PCDHA1: variants seen among roughly 807,000 people sequenced by gnomAD.
The protein encoded by PCDHA1 is protocadherin alpha-1.
A neutral mutation model predicts 61.3 loss-of-function variants in PCDHA1; 42 were observed. The ratio of observed to expected loss-of-function variants is 0.69; its 90% CI spans 0.54 to 0.89. The LOEUF is 0.89. PCDHA1 is among the 40% of genes least tolerant of loss of function. PCDHA1 has a pLI of 0.00. For synonymous variants in PCDHA1, 610 were observed against 553.8 expected, an observed-to-expected ratio of 1.10 and a Z score of -1.43; for missense variants, 1,256 against 1,235.3, an observed-to-expected ratio of 1.02 and a Z score of -0.25.
At chr5:141,000,422 T>TATC (rs1491457105) in intron 3 of PCDHA1, among the ~76,000 whole-genome samples, 2 of 51,852 alleles carry the variant, frequency 3.9e-5, no homozygotes, top group African/African-American at 1.7e-4. Context: ...TATATATATA[T>TATC]TTTTTTTTTT....
rs782349051 is a variant in PCDHA1, at chr5:140,857,178, A to G, written c.2394+68494A>G. 8.1e-6 allele frequency: 13 copies of G among 1,598,358 alleles called. No individual in the cohort carries two copies. The South Asian group carries it at 1.3e-4, about 16-fold the overall frequency. On this transcript the variant is annotated intron_variant, in intron 1 of 3. Transcript: ENST00000504120. The stretch of plus-strand genomic sequence containing the variant: ...GCCCTAATCAGCGTTTCTGACCATG[A>G]TTCAGGAGCCAACGGACAGGTCACC...
intron 1 of PCDHA1, chr5:140,876,545 C>T (rs1281346113): frequency 6.2e-7 from 1 of 1,614,082 alleles, no homozygotes; most frequent in Non-Finnish European, 8.5e-7. Flanking sequence ...CTGTCGCTCC[C>T]TGTGCAAGAG....
At chr5:140,849,566 T>C in intron 1 of PCDHA1, 2 of 1,598,556 alleles carry the variant, frequency 1.3e-6, no homozygotes, top group Non-Finnish European at 1.7e-6. Flanking sequence ...CGCTCTCGGT[T>C]CCTGTAAAAG....
intron 3 of PCDHA1, among the ~76,000 whole-genome samples, chr5:140,993,560 A>G (rs2097572904): frequency 6.6e-6 from 1 of 151,740 alleles, no homozygotes; most frequent in Non-Finnish European, 1.5e-5. Context: ...AGTATATAGT[A>G]TCCTTTCTAG....
intron 3 of PCDHA1, among the ~76,000 whole-genome samples, chr5:140,988,690 C>T (rs1286168942): frequency 2.6e-5 from 4 of 152,148 alleles, no homozygotes; most frequent in South Asian, 2.1e-4. Flanking sequence ...TTTCCCTAGA[C>T]GCTCTGTATT....
At chr5:140,807,027 GGAA>G in intron 1 of PCDHA1, 1 of 866,008 alleles carries the variant, frequency 1.2e-6, no homozygotes, top group South Asian at 1.7e-5. Context: ...GAGAGAAGGA[GGAA>G]GAAGGGAAAA....
In PCDHA1 at chr5:140,904,839, ATCT is replaced by A. The variant is rs1480252178; in HGVS notation, c.2395-74103_2395-74101del. 4.1e-4 allele frequency among the ~76,000 whole-genome samples: 62 copies of A among 152,040 alleles called. No individual in the cohort carries two copies. The East Asian group carries it at 6.4e-3, about 16-fold the overall frequency. Reference sequence around the variant, plus strand: ...TTGAGCATTTTTTTATATGTTTCATATCTTCTTCTGAGAATTGTCTGTTTATGT... The same window carrying A: ...TTGAGCATTTTTTTATATGTTTCATATCTTCTGAGAATTGTCTGTTTATGT... On this transcript the variant is annotated intron_variant, in intron 1 of 3. Coordinates refer to ENST00000504120, the MANE Select transcript of PCDHA1 (RefSeq NM_018900.4).
At chr5:140,836,195 C>A (rs2150255060) in intron 1 of PCDHA1, 3 of 1,613,858 alleles carry the variant, frequency 1.9e-6, no homozygotes, top group Admixed American at 1.7e-5. Context: ...CAGGCTACAA[C>A]GCGTGGCTTT....
intron 1 of PCDHA1, among the ~76,000 whole-genome samples, chr5:140,959,379 A>T (rs2095484732): frequency 6.6e-6 from 1 of 152,176 alleles, no homozygotes; most frequent in Admixed American, 6.5e-5. Context: ...GTCTCAAAAA[A>T]AAAAGTCACA....
chr5:140,786,418 C>A lies in PCDHA1; in HGVS notation c.128C>A (p.Thr43Asn), dbSNP rs1290638824. 2 of 1,613,470 alleles carry A rather than the reference C, an allele frequency of 1.2e-6. No individual in the cohort carries two copies. Among genetic ancestry groups the A allele is most frequent in the Non-Finnish European group, 1.7e-6 (2 of 1,180,040 alleles). The change falls in exon 1 of 4, where the codon ACC becomes AAC. Residue 43 changes from threonine to asparagine, a missense_variant. Thr to Asn is a moderately conservative substitution (Grantham distance 65, BLOSUM62 0). Coordinates refer to ENST00000504120, the MANE Select transcript of PCDHA1 (RefSeq NM_018900.4). Reference sequence around the variant, plus strand: ...ATCCCGGAGGAAGCCAAACACGGCACCTTCGTTGGCCGCGTTGCTCAGGAC... The same window carrying A: ...ATCCCGGAGGAAGCCAAACACGGCAACTTCGTTGGCCGCGTTGCTCAGGAC... ...YSIPEEAKHG[T>N]FVGRVAQDLG...
chr5:140,848,428 C>T, intron 1 of PCDHA1: 1 of 1,450,060 alleles, frequency 6.9e-7, no homozygotes, highest in Non-Finnish European at 9.4e-7. Flanking sequence ...ATGGGACTGA[C>T]GAAATCAGAT....
At position 140,807,271 on chromosome 5, in the gene PCDHA1, C is replaced by A; in HGVS notation, c.2394+18587C>A. Reference sequence around the variant, plus strand: ...TCCTCGCAGCCTGGGAGGCAGGGAACGGTCAGCTCCACTACTCGGTCTCCG... The same window carrying A: ...TCCTCGCAGCCTGGGAGGCAGGGAAAGGTCAGCTCCACTACTCGGTCTCCG... On this transcript the variant is annotated intron_variant, in intron 1 of 3. Transcript: ENST00000504120. The A allele has an allele frequency of 1.9e-6, 3 of 1,614,246 alleles. No homozygotes were observed. In the South Asian group the frequency reaches 3.3e-5, roughly 18 times the overall value.
chr5:140,829,819 A>C (rs2150175411), intron 1 of PCDHA1: 2 of 1,613,876 alleles, frequency 1.2e-6, no homozygotes, highest in Admixed American at 3.3e-5. Flanking sequence ...CTGGTGGTGC[A>C]GTGAGCGAGC....
intron 1 of PCDHA1, among the ~76,000 whole-genome samples, chr5:140,965,199 T>C (rs1296377172): frequency 6.6e-6 from 1 of 152,234 alleles, no homozygotes. Context: ...AGGCAATAGA[T>C]TTCAAATTCC....
chr5:140,888,513 A>C (rs1208227299), intron 1 of PCDHA1, among the ~76,000 whole-genome samples: 5 of 152,216 alleles, frequency 3.3e-5, no homozygotes, highest in African/African-American at 4.8e-5. Context: ...TCTTGGACTT[A>C]GTTCTGACGT....
At chr5:140,795,887 T>G (rs1554119610) in intron 1 of PCDHA1, 17 of 1,613,926 alleles carry the variant, frequency 1.1e-5, no homozygotes, top group Non-Finnish European at 1.4e-5. Flanking sequence ...AAGGGAAAAT[T>G]AGATTATGAA....
At chr5:140,895,875 G>A (rs1277056649) in intron 1 of PCDHA1, among the ~76,000 whole-genome samples, 5 of 152,060 alleles carry the variant, frequency 3.3e-5, no homozygotes, top group African/African-American at 7.2e-5. Context: ...GCAATGGCGC[G>A]ATCTCGGCTC....
chr5:140,882,423 T>C (rs1554174072), intron 1 of PCDHA1: 2 of 1,614,052 alleles, frequency 1.2e-6, no homozygotes, highest in African/African-American at 2.7e-5. Context: ...GCTCAGGACC[T>C]GGGGCTGGAG....
Position 140,876,962 on chromosome 5 carries a change from G to T in PCDHA1, c.2394+88278G>T, listed in dbSNP as rs375871457. 15 of 1,612,908 alleles carry T rather than the reference G, an allele frequency of 9.3e-6. No homozygotes were observed. The African/African-American group carries it at 1.6e-4, about 17-fold the overall frequency. ...CTGGTGTCCTACTCGCTGGTGGAGCGGCGGGTGGGCGAGCACGCACTGTCG... is the reference window on the plus strand; with the variant it reads ...CTGGTGTCCTACTCGCTGGTGGAGCTGCGGGTGGGCGAGCACGCACTGTCG... On this transcript the variant is annotated intron_variant, in intron 1 of 3. Coordinates refer to ENST00000504120, the MANE Select transcript of PCDHA1 (RefSeq NM_018900.4).
Sources: allele counts gnomAD v4.1 joint callset (sites outside exome capture counted in the v4.1 genomes callset), GRCh38; gene constraint gnomAD v4.1.1; transcripts MANE v1.5; gene names NCBI Gene and HGNC (gene_info 2026-07-23, HGNC 2026-07-21).